The following DPYD variants were observed in gnomAD, a reference collection of about 807,000 sequenced individuals.
DPYD encodes dihydropyrimidine dehydrogenase [NADP(+)].
Under a neutral mutation model 116.2 loss-of-function variants are expected in DPYD, and 109 were observed. That is an observed-to-expected ratio of 0.94 (90% confidence interval 0.80 to 1.10). DPYD has a LOEUF of 1.10. Among genes scored for constraint, DPYD ranks in the 50% least tolerant of loss-of-function variants. The pLI, the probability that DPYD is intolerant of heterozygous loss-of-function variation, is 0.00. For synonymous variants in DPYD, 440 were observed against 432.0 expected (o/e 1.02, Z -0.23); for missense variants, 1,302 against 1,254.5 (o/e 1.04, Z -0.57).
rs572825586 is a variant in DPYD, at chr1:97,804,450, T to G, written c.233+23664A>C. ...TTTGTGAAGTCTCAAGATGTTAAGATGCTATACAATTTCATTAAGAAAAAT... is the reference window on the plus strand; with the variant it reads ...TTTGTGAAGTCTCAAGATGTTAAGAGGCTATACAATTTCATTAAGAAAAAT... On this transcript the variant is annotated intron_variant, in intron 3 of 22. Coordinates refer to ENST00000370192, the MANE Select transcript of DPYD (RefSeq NM_000110.4). Among the ~76,000 whole-genome samples the G allele has an allele frequency of 7.2e-5, 11 of 151,988 alleles. No homozygotes were observed. The East Asian group carries it at 2.1e-3, about 29-fold the overall frequency.
chr1:97,378,963 A>G (rs1007304747), intron 15 of DPYD, among the ~76,000 whole-genome samples: 6 of 152,230 alleles, frequency 3.9e-5, no homozygotes, highest in Non-Finnish European at 5.9e-5. Flanking sequence ...TAAGGAAAAA[A>G]CAATAATCAA....
intron 5 of DPYD, among the ~76,000 whole-genome samples, chr1:97,708,243 A>T (rs1172020813): frequency 6.6e-6 from 1 of 152,044 alleles, no homozygotes; most frequent in Non-Finnish European, 1.5e-5. Context: ...GGTCATCTAC[A>T]TGGTCTCCCA....
chr1:97,420,437 T>C (rs1674520827), intron 14 of DPYD, among the ~76,000 whole-genome samples: 1 of 152,140 alleles, frequency 6.6e-6, no homozygotes, highest in African/African-American at 2.4e-5. Context: ...ATTTTTTCCT[T>C]GGCTAACTGG....
At chr1:97,278,706 A>G (rs1665112815) in intron 18 of DPYD, among the ~76,000 whole-genome samples, 1 of 152,224 alleles carries the variant, frequency 6.6e-6, no homozygotes, top group African/African-American at 2.4e-5. Flanking sequence ...TTTAGGAAGA[A>G]ACAAAGTTTT....
intron 18 of DPYD, among the ~76,000 whole-genome samples, chr1:97,302,719 T>C (rs1384498939): frequency 2.6e-5 from 4 of 152,018 alleles, no homozygotes; most frequent in African/African-American, 7.2e-5. Flanking sequence ...TTATGGCATA[T>C]ATAAGTGTAT....
intron 18 of DPYD, among the ~76,000 whole-genome samples, chr1:97,294,283 T>G (rs1416385838): frequency 6.6e-6 from 1 of 152,168 alleles, no homozygotes; most frequent in Non-Finnish European, 1.5e-5. Flanking sequence ...AGTTTAACCT[T>G]CTTGTTTATT....
chr1:97,827,932 G>C (rs974489294), intron 3 of DPYD, among the ~76,000 whole-genome samples, 182 bp downstream of exon 3: 2 of 152,112 alleles, frequency 1.3e-5, no homozygotes, highest in Non-Finnish European at 2.9e-5. Flanking sequence ...GTGCACTGAG[G>C]CTTAACATTT....
chr1:97,293,662 C>T (rs1271981965), intron 18 of DPYD, among the ~76,000 whole-genome samples: 1 of 152,152 alleles, frequency 6.6e-6, no homozygotes, highest in Non-Finnish European at 1.5e-5. Flanking sequence ...TCAGTCCAGG[C>T]CGGGTGTGGT....
At chr1:97,112,514 A>T (rs1285152991) in intron 20 of DPYD, among the ~76,000 whole-genome samples, 1 of 152,140 alleles carries the variant, frequency 6.6e-6, no homozygotes, top group African/African-American at 2.4e-5. Context: ...GGGTTAGGGA[A>T]GATGCTAAGA....
intron 4 of DPYD, among the ~76,000 whole-genome samples, chr1:97,737,098 C>T (rs752083639): frequency 8.5e-5 from 13 of 152,182 alleles, no homozygotes; most frequent in African/African-American, 1.4e-4. Context: ...TTGTCTATTA[C>T]GGACATTTTC....
chr1:97,134,007 AAAAAAAAATATATATATATATAT>A (rs1225861714), intron 20 of DPYD, among the ~76,000 whole-genome samples: 2,060 of 44,168 alleles, frequency 0.047, 248 homozygotes, highest in Non-Finnish European at 0.052. Context: ...TCAAAAAAAA[AAAAAAAAATATATATATATATAT>A]ATATATATAT....
At chr1:97,231,376 G>A (rs1661578786) in intron 19 of DPYD, among the ~76,000 whole-genome samples, 1 of 152,166 alleles carries the variant, frequency 6.6e-6, no homozygotes, top group Non-Finnish European at 1.5e-5. Flanking sequence ...CTAAGACTGG[G>A]TAATTTATAA....
chr1:97,245,415 C>T (rs1474860144), intron 18 of DPYD, among the ~76,000 whole-genome samples: 2 of 152,122 alleles, frequency 1.3e-5, no homozygotes, highest in Non-Finnish European at 2.9e-5. Flanking sequence ...AAAGGTTTAC[C>T]TATAAGTATA....
chr1:97,661,889 C>T (rs1055097345), intron 8 of DPYD, among the ~76,000 whole-genome samples: 1 of 150,088 alleles, frequency 6.7e-6, no homozygotes, highest in Non-Finnish European at 1.5e-5. Context: ...TATATACATA[C>T]ATACACACGT....
rs138925257 is a variant in DPYD, at chr1:97,579,665, A to G, written c.1129-5695T>C. 3.2e-3 allele frequency among the ~76,000 whole-genome samples: 489 copies of G among 152,338 alleles called. 2 individuals carry two copies. Among genetic ancestry groups the G allele is most frequent in the African/African-American group, 0.011 (458 of 41,588 alleles). On this transcript the variant is annotated intron_variant, in intron 10 of 22. Transcript: ENST00000370192. ...AATCATTAATAATCAGTAACTCTGA[A>G]TCTGGATATGAATGCTTCTCCTCAT...
At chr1:97,613,564 T>C (rs2100753298) in intron 8 of DPYD, among the ~76,000 whole-genome samples, 1 of 152,196 alleles carries the variant, frequency 6.6e-6, no homozygotes, top group African/African-American at 2.4e-5. Flanking sequence ...CCGAAACACC[T>C]GTTTTCAACG....
At chr1:97,149,597 A>G (rs1341430659) in intron 20 of DPYD, among the ~76,000 whole-genome samples, 1 of 152,184 alleles carries the variant, frequency 6.6e-6, no homozygotes, top group Non-Finnish European at 1.5e-5. Flanking sequence ...AGTTTATAAC[A>G]TCATCTTGCA....
At chr1:97,635,703 A>C (rs1657520142) in intron 8 of DPYD, among the ~76,000 whole-genome samples, 1 of 152,140 alleles carries the variant, frequency 6.6e-6, no homozygotes, top group African/African-American at 2.4e-5. Flanking sequence ...ATGTCAAACA[A>C]TTTAAAAGGA....
In DPYD at chr1:97,724,953, A is replaced by AAGAGAGAGAGAGAG. The variant is rs71590231; in HGVS notation, c.322-3296_322-3283dup. ...AGGGAGAGAGGGAGGGAGGGAAGGA[A>AAGAGAGAGAGAGAG]AGAGAGAGAGAGAGAGAGAGAGAGA... On this transcript the variant is annotated intron_variant, in intron 4 of 22. Transcript: ENST00000370192. 3.1e-3 allele frequency among the ~76,000 whole-genome samples: 365 copies of AAGAGAGAGAGAGAG among 118,894 alleles called. 9 individuals carry two copies. Among genetic ancestry groups the AAGAGAGAGAGAGAG allele is most frequent in the African/African-American group, 5.3e-3 (161 of 30,314 alleles). 78.0% of individuals were successfully genotyped at this position (118,894 alleles called of 152,430 possible). A position where few individuals can be genotyped will look rare whatever the true frequency, so the allele number is the denominator to read the frequency against.
Sources: gnomAD v4.1 joint callset for allele counts (sites outside exome capture counted in the v4.1 genomes callset) on GRCh38, gnomAD v4.1.1 for gene constraint, MANE v1.5 for transcripts, NCBI Gene and HGNC (gene_info 2026-07-23, HGNC 2026-07-21) for gene names.